The following PRSS23 variants were observed in gnomAD, a reference collection of about 807,000 sequenced individuals.
PRSS23 encodes the protein protease, serine 23.
A neutral mutation model predicts 34.7 loss-of-function variants in PRSS23; 25 were observed. The ratio of observed to expected loss-of-function variants is 0.72; its 90% CI spans 0.53 to 1.01. The LOEUF is 1.01. PRSS23 is among the 50% of genes least tolerant of loss of function. The pLI is 0.00. For missense variants in PRSS23, 445 were observed against 475.6 expected, an observed-to-expected ratio of 0.94 and a Z score of 0.60; for synonymous variants, 176 against 186.6, an observed-to-expected ratio of 0.94 and a Z score of 0.46.
upstream of PRSS23, among the ~76,000 whole-genome samples, chr11:86,798,328 A>C (rs1565346711): frequency 2.6e-5 from 4 of 152,248 alleles, no homozygotes; most frequent in Admixed American, 2.6e-4. Context: ...TGGCAGCAAG[A>C]GTTACCACTT....
chr11:86,834,511 C>T (rs1948387387), intron 2 of PRSS23, among the ~76,000 whole-genome samples: 1 of 119,398 alleles, frequency 8.4e-6, no homozygotes, highest in African/African-American at 3.5e-5. Flanking sequence ...TTCTATTTTC[C>T]TTTCCTTTCC....
At chr11:86,885,248 G>A (rs1948795313) in intron 2 of PRSS23, among the ~76,000 whole-genome samples, 1 of 152,122 alleles carries the variant, frequency 6.6e-6, no homozygotes, top group Admixed American at 6.5e-5. Flanking sequence ...GAACTTCATA[G>A]GCAAAATTAG....
chr11:86,795,846 A>G (rs541619256), upstream of PRSS23, among the ~76,000 whole-genome samples: 104 of 152,362 alleles, frequency 6.8e-4, no homozygotes, highest in Middle Eastern at 6.8e-3. Flanking sequence ...ATGCCCATTT[A>G]TCTCCTTAGA....
chr11:86,851,665 G>A (rs967367743), intron 2 of PRSS23, among the ~76,000 whole-genome samples: 2 of 152,176 alleles, frequency 1.3e-5, no homozygotes, highest in Non-Finnish European at 2.9e-5. Flanking sequence ...AAATGATAAT[G>A]AAATGTGCAC....
At position 86,952,199 on chromosome 11, in the gene PRSS23, G is replaced by T. The variant is rs145072875; in HGVS notation, c.*914G>T. 3.1e-6 allele frequency: 5 copies of T among 1,613,660 alleles called. No homozygotes were observed. The highest frequency in any genetic ancestry group is 4.2e-6 in the Non-Finnish European group (5 of 1,179,700). On this transcript the variant is annotated 3_prime_UTR_variant, in exon 3 of 3. Transcript: ENST00000533902. ...CACCCAGATGTACTGATCAGAATTG[G>T]TTCCCACAGAGTGACACTCTTCCCC...
intron 2 of PRSS23, among the ~76,000 whole-genome samples, chr11:86,842,565 AG>A (rs1473318434): frequency 6.6e-6 from 1 of 152,252 alleles, no homozygotes; most frequent in African/African-American, 2.4e-5. Flanking sequence ...TAAGCTGACA[AG>A]CAACTTCAGC....
chr11:86,853,855 G>T (rs1252766412), intron 2 of PRSS23, among the ~76,000 whole-genome samples: 1 of 151,930 alleles, frequency 6.6e-6, no homozygotes, highest in Non-Finnish European at 1.5e-5. Flanking sequence ...AATCATATTC[G>T]AGCATTCCTA....
chr11:86,908,188 G>T (rs1431784048), intron 2 of PRSS23, among the ~76,000 whole-genome samples: 1 of 152,276 alleles, frequency 6.6e-6, no homozygotes, highest in African/African-American at 2.4e-5. Flanking sequence ...GCAAGATCCT[G>T]ATTTCAATTC....
intron 2 of PRSS23, among the ~76,000 whole-genome samples, chr11:86,887,736 C>T (rs1948812657): frequency 6.6e-6 from 1 of 152,156 alleles, no homozygotes; most frequent in African/African-American, 2.4e-5. Context: ...GGCAGACACA[C>T]ACACTGAACA....
chr11:86,877,130 C>T (rs947611432), intron 2 of PRSS23, among the ~76,000 whole-genome samples: 3 of 152,212 alleles, frequency 2.0e-5, no homozygotes, highest in African/African-American at 4.8e-5. Flanking sequence ...CTCACAGTGC[C>T]TCATTCAGCC....
chr11:86,932,474 T>G (rs778712313), intron 2 of PRSS23, among the ~76,000 whole-genome samples: 2 of 152,092 alleles, frequency 1.3e-5, no homozygotes. Context: ...GGGAAATACA[T>G]GGGGGCTGCT....
chr11:86,830,202 C>T (rs965931626), intron 2 of PRSS23, among the ~76,000 whole-genome samples: 15 of 152,286 alleles, frequency 9.8e-5, no homozygotes, highest in African/African-American at 3.4e-4. Flanking sequence ...ATGGTGGGCG[C>T]CCCTCCCCCA....
At chr11:86,915,784 C>A (rs1590926441) in intron 2 of PRSS23, among the ~76,000 whole-genome samples, 1 of 152,032 alleles carries the variant, frequency 6.6e-6, no homozygotes, top group Non-Finnish European at 1.5e-5. Flanking sequence ...TGTGGTGGCT[C>A]ATGCCTGTAA....
intron 2 of PRSS23, among the ~76,000 whole-genome samples, chr11:86,855,071 A>T (rs939634551): frequency 1.3e-5 from 2 of 152,128 alleles, no homozygotes; most frequent in African/African-American, 4.8e-5. Flanking sequence ...AGGCTGAGGC[A>T]GGAGAATCAC....
chr11:86,898,435 G>A (rs998434038), intron 2 of PRSS23, among the ~76,000 whole-genome samples: 2 of 152,176 alleles, frequency 1.3e-5, no homozygotes, highest in African/African-American at 2.4e-5. Flanking sequence ...GATATTTTTT[G>A]TTGAGGATCA....
At chr11:86,824,005 CAAAAAAAAAAAAAAAAAA>C (rs55884309) in intron 2 of PRSS23, among the ~76,000 whole-genome samples, 1 of 30,502 alleles carries the variant, frequency 3.3e-5, no homozygotes, top group African/African-American at 1.4e-4. Flanking sequence ...GACTCCGTCT[CAAAAAAAAAAAAAAAAAA>C]AAAAAAAAGA....
At chr11:86,908,001 A>G (rs949430121) in intron 2 of PRSS23, among the ~76,000 whole-genome samples, 3 of 152,246 alleles carry the variant, frequency 2.0e-5, no homozygotes, top group African/African-American at 7.2e-5. Flanking sequence ...GGCTTATGTC[A>G]CTTAGCATAA....
downstream of PRSS23, among the ~76,000 whole-genome samples, chr11:86,815,027 C>G (rs1212250626): frequency 6.6e-6 from 1 of 152,210 alleles, no homozygotes; most frequent in Non-Finnish European, 1.5e-5. Flanking sequence ...AGAGCAAGAA[C>G]AGCTTTGAGA....
Position 86,884,553 on chromosome 11 carries a change from T to C in PRSS23, c.206+60960T>C, listed in dbSNP as rs1311029385. Reference sequence around the variant, plus strand: ...GACCTCAGGTGATCTGCCCCCAACCTGGCCTCCCAAAGTGCTGGGATTACA... The same window carrying C: ...GACCTCAGGTGATCTGCCCCCAACCCGGCCTCCCAAAGTGCTGGGATTACA... On this transcript the variant is annotated intron_variant, in intron 2 of 2. Transcript: ENST00000533902. Among the ~76,000 whole-genome samples the C allele has an allele frequency of 2.0e-5, 3 of 152,164 alleles. 1 individual carries two copies. Among genetic ancestry groups the C allele is most frequent in the Non-Finnish European group, 4.4e-5 (3 of 68,014 alleles).
Sources: gnomAD v4.1 joint callset for allele counts (sites outside exome capture counted in the v4.1 genomes callset) on GRCh38, gnomAD v4.1.1 for gene constraint, MANE v1.5 for transcripts, NCBI Gene and HGNC (gene_info 2026-07-23, HGNC 2026-07-21) for gene names.